The following STAB2 variants were observed in gnomAD, a reference collection of about 807,000 sequenced individuals.
STAB2 encodes the protein stabilin-2.
In STAB2, 288 loss-of-function variants were observed where a neutral mutation model predicts 338.1. The ratio of observed to expected loss-of-function variants is 0.85; its 90% CI spans 0.77 to 0.94. The LOEUF is 0.94. Among genes scored for constraint, STAB2 ranks in the 40% least tolerant of loss-of-function variants. The probability of loss-of-function intolerance (pLI) is 0.00; values close to 1 mark genes in which losing one functional copy is unlikely to be tolerated. For missense variants in STAB2, 3,141 were observed against 3,210.1 expected, an observed-to-expected ratio of 0.98 and a Z score of 0.52; for synonymous variants, 1,202 against 1,193.3, an observed-to-expected ratio of 1.01 and a Z score of -0.15.
intron 15 of STAB2, chr12:103,658,017 A>G (rs1874320353): frequency 6.6e-6 from 1 of 151,936 alleles, no homozygotes; most frequent in Non-Finnish European, 1.5e-5. Flanking sequence ...CAGTCTGGAA[A>G]CCCTCCCATT....
intron 2 of STAB2, 104 bp from the exon 3 acceptor site, chr12:103,594,291 G>A: frequency 2.5e-6 from 2 of 794,872 alleles, no homozygotes; most frequent in Non-Finnish European, 4.3e-6. Context: ...ATTTTTAACT[G>A]TAGATAAATA....
chr12:103,760,651 G>A (rs1007205412), intron 65 of STAB2, among the ~76,000 whole-genome samples: 2 of 152,140 alleles, frequency 1.3e-5, no homozygotes, highest in East Asian at 1.9e-4. Context: ...TGGGGGTAGC[G>A]GTGGAGGTGG....
intron 19 of STAB2, among the ~76,000 whole-genome samples, chr12:103,666,730 T>TTGTG (rs796195296): frequency 2.0e-5 from 3 of 152,356 alleles, no homozygotes; most frequent in African/African-American, 7.2e-5. Context: ...TACTGGCATA[T>TTGTG]TGTGCAGAAC....
intron 3 of STAB2, among the ~76,000 whole-genome samples, chr12:103,601,517 G>A (rs764695747): frequency 3.9e-5 from 6 of 152,148 alleles, no homozygotes; most frequent in African/African-American, 1.2e-4. Flanking sequence ...GCTTAAACCC[G>A]GGAGGCGGAA....
At chr12:103,720,990 C>T (rs928244135) in intron 44 of STAB2, among the ~76,000 whole-genome samples, 1 of 152,168 alleles carries the variant, frequency 6.6e-6, no homozygotes, top group Non-Finnish European at 1.5e-5. Flanking sequence ...GAGGGAGGCA[C>T]ATCTCATAGA....
chr12:103,759,357 C>T, intron 65 of STAB2, 84 bp downstream of exon 65: 1 of 1,534,824 alleles, frequency 6.5e-7, no homozygotes, highest in Non-Finnish European at 8.8e-7. Context: ...TAATAGATGG[C>T]AACTATTATG....
intron 6 of STAB2, among the ~76,000 whole-genome samples, chr12:103,633,799 T>C (rs1957502462): frequency 6.6e-6 from 1 of 152,234 alleles, no homozygotes; most frequent in Non-Finnish European, 1.5e-5. Context: ...TATTTTCATT[T>C]GTTTTTTTAT....
rs775523121 is a variant in STAB2, at chr12:103,655,447, C to G, written c.1609-9C>G. ...GCTGCAGATACAAAATTTCATTTCC[C>G]AAATGCAGGAAACCAATTTGGGACA... is the stretch of plus-strand genomic sequence containing the variant. On this transcript the variant is annotated splice_polypyrimidine_tract_variant and intron_variant, in intron 14 of 68. Coordinates refer to ENST00000388887, the MANE Select transcript of STAB2 (RefSeq NM_017564.10). The G allele has an allele frequency of 2.2e-5, 36 of 1,613,286 alleles. No individual in the cohort carries two copies. The Admixed American group carries it at 6.0e-4, about 27-fold the overall frequency.
chr12:103,758,679 T>TG (rs1261570768), intron 64 of STAB2, among the ~76,000 whole-genome samples: 2 of 152,154 alleles, frequency 1.3e-5, no homozygotes, highest in Non-Finnish European at 2.9e-5. Flanking sequence ...AAAGTCAGCA[T>TG]GGGGGGCAAA....
Position 103,677,538 on chromosome 12 carries a change from TCAA to T in STAB2, c.2737_2739del (p.Asn913del), listed in dbSNP as rs754395560. ...GGGAATGGGAGAGACTGCTCGGAGA[TCAA>T]CAACTGCCTGCTGCCCAGTGCAGGC... is the stretch of plus-strand genomic sequence containing the variant. On this transcript the variant is annotated inframe_deletion, in exon 25 of 69. Coordinates refer to ENST00000388887, the MANE Select transcript of STAB2 (RefSeq NM_017564.10). The T allele has an allele frequency of 3.7e-6, 6 of 1,614,156 alleles. No individual in the cohort carries two copies. Among genetic ancestry groups the T allele is most frequent in the Non-Finnish European group, 4.2e-6 (5 of 1,180,008 alleles).
chr12:103,676,710 C>G (rs144151611), intron 24 of STAB2, among the ~76,000 whole-genome samples: 294 of 152,324 alleles, frequency 1.9e-3, no homozygotes, highest in Non-Finnish European at 3.2e-3. Context: ...GCCATCCCCA[C>G]CTGACCCTAG....
intron 49 of STAB2, 65 bp downstream of exon 49, chr12:103,730,321 A>G: frequency 3.9e-6 from 6 of 1,522,168 alleles, no homozygotes; most frequent in Non-Finnish European, 5.4e-6. Context: ...CTCTATTCTG[A>G]TTCGAAGTCA....
At chr12:103,738,409 C>T (rs1037684446) in intron 53 of STAB2, among the ~76,000 whole-genome samples, 1 of 152,190 alleles carries the variant, frequency 6.6e-6, no homozygotes, top group African/African-American at 2.4e-5. Flanking sequence ...CTTACCCCTA[C>T]AATAATCCAA....
At chr12:103,708,625 T>G in intron 39 of STAB2, 89 bp downstream of exon 39, 2 of 1,159,962 alleles carry the variant, frequency 1.7e-6, no homozygotes, top group South Asian at 1.5e-5. Flanking sequence ...AAATGACACC[T>G]TTTTTTACTT....
intron 58 of STAB2, 123 bp from the exon 59 acceptor site, chr12:103,748,840 C>G: frequency 9.9e-7 from 1 of 1,014,518 alleles, no homozygotes; most frequent in Non-Finnish European, 1.4e-6. Context: ...GAGAGAAGCA[C>G]GAACACGCAG....
chr12:103,670,254 C>T (rs1875632353), intron 21 of STAB2, among the ~76,000 whole-genome samples: 2 of 152,170 alleles, frequency 1.3e-5, no homozygotes, highest in South Asian at 4.1e-4. Flanking sequence ...CCACACCCAA[C>T]ACTGATGTCA....
At chr12:103,663,335 T>C (rs960866697) in intron 18 of STAB2, among the ~76,000 whole-genome samples, 4 of 152,184 alleles carry the variant, frequency 2.6e-5, no homozygotes, top group South Asian at 2.1e-4. Context: ...GAAATCAAGA[T>C]AGCAGAGCCA....
intron 17 of STAB2, 70 bp from the exon 18 acceptor site, chr12:103,662,776 G>A (rs985676681): frequency 4.5e-6 from 7 of 1,562,962 alleles, no homozygotes; most frequent in Middle Eastern, 3.4e-4. Context: ...CATTCAGTCT[G>A]CCTGAGGATC....
At chr12:103,698,562 T>A (rs551658408) in intron 33 of STAB2, among the ~76,000 whole-genome samples, 1 of 152,128 alleles carries the variant, frequency 6.6e-6, no homozygotes, top group Admixed American at 6.5e-5. Context: ...ACACCCACAT[T>A]CTTGTCCCAA....
Sources: gnomAD v4.1 joint callset for allele counts (sites outside exome capture counted in the v4.1 genomes callset) on GRCh38, gnomAD v4.1.1 for gene constraint, MANE v1.5 for transcripts, NCBI Gene and HGNC (gene_info 2026-07-23, HGNC 2026-07-21) for gene names.